Variants in GPHN observed in about 807,000 individuals in gnomAD.
GPHN encodes the protein gephyrin.
In GPHN, 17 loss-of-function variants were observed where a neutral mutation model predicts 95.5. That is an observed-to-expected ratio of 0.18 (90% CI 0.12 to 0.27). The LOEUF (loss-of-function observed/expected upper bound fraction) is 0.27, where lower values mean the gene tolerates loss of function less well. Ranked by LOEUF, GPHN falls within the 10% of genes least tolerant of loss-of-function variation. The probability of loss-of-function intolerance (pLI) is 1.00; values close to 1 mark genes in which losing one functional copy is unlikely to be tolerated. For synonymous variants in GPHN, 320 were observed against 322.5 expected (o/e 0.99, Z 0.08); for missense variants, 660 against 978.1 (o/e 0.67, Z 4.34).
At chr14:67,519,644 C>T in the GPHN span, among the ~76,000 whole-genome samples, 7 of 151,530 alleles carry the variant, frequency 4.6e-5, no homozygotes, top group African/African-American at 7.3e-5. Flanking sequence ...CCCCAAACAG[C>T]GAAAGTCCAG....
At chr14:66,606,184 G>A (rs754184813) in intron 1 of GPHN, among the ~76,000 whole-genome samples, 13 of 152,102 alleles carry the variant, frequency 8.5e-5, no homozygotes, top group Non-Finnish European at 1.3e-4. Context: ...GTGAAAGGTA[G>A]AGACTAGCTT....
the GPHN span, among the ~76,000 whole-genome samples, chr14:67,433,460 A>G: frequency 6.6e-6 from 1 of 152,186 alleles, no homozygotes; most frequent in South Asian, 2.1e-4. Context: ...TTGGAGGTAT[A>G]GAGGAAAACG....
chr14:66,513,469 G>A (rs1410271202), intron 1 of GPHN, among the ~76,000 whole-genome samples: 1 of 151,620 alleles, frequency 6.6e-6, no homozygotes, highest in Non-Finnish European at 1.5e-5. Context: ...TGAACAGGGT[G>A]TTTTTAAAAA....
intron 5 of GPHN, among the ~76,000 whole-genome samples, chr14:66,890,803 GA>G (rs60166095): frequency 1.3e-4 from 20 of 150,050 alleles, no homozygotes; most frequent in Non-Finnish European, 2.2e-4. Context: ...AGAATGGAGG[GA>G]AAAAAAAACC....
chr14:67,353,227 T>C, the GPHN span, among the ~76,000 whole-genome samples: 1 of 152,250 alleles, frequency 6.6e-6, no homozygotes. Flanking sequence ...CTTCATGTGT[T>C]GGAAACAATC....
At chr14:67,052,525 A>C (rs1469284076) in intron 10 of GPHN, among the ~76,000 whole-genome samples, 1 of 152,006 alleles carries the variant, frequency 6.6e-6, no homozygotes, top group Non-Finnish European at 1.5e-5. Context: ...CTGCACTGTC[A>C]ATATTAGATC....
At chr14:66,856,779 C>T (rs1241043461) in intron 4 of GPHN, among the ~76,000 whole-genome samples, 1 of 152,014 alleles carries the variant, frequency 6.6e-6, no homozygotes. Flanking sequence ...CTAAGCGAAA[C>T]TGATTTTAAG....
At chr14:66,832,267 A>G (rs1269469102) in intron 4 of GPHN, among the ~76,000 whole-genome samples, 1 of 152,236 alleles carries the variant, frequency 6.6e-6, no homozygotes, top group Non-Finnish European at 1.5e-5. Flanking sequence ...TTCAAGTAGT[A>G]AATGGCAATA....
rs185737778 is a variant in GPHN at position 66,589,620 on chromosome 14, A to G, written c.64+81029A>G. ...ACATAATGGTAAAGGGATCAATGCA[A>G]CAAGAGCTAACTATCCTAAATACAT... On this transcript the variant is annotated intron_variant, in intron 1 of 22. Transcript: ENST00000478722. Among the ~76,000 whole-genome samples the G allele has an allele frequency of 7.7e-4, 117 of 152,292 alleles. 1 individual carries two copies. The highest frequency in any genetic ancestry group is 1.2e-3 in the Non-Finnish European group (84 of 68,004).
the GPHN span, among the ~76,000 whole-genome samples, chr14:67,477,446 T>C: frequency 6.6e-6 from 1 of 152,178 alleles, no homozygotes; most frequent in South Asian, 2.1e-4. Context: ...AAGGCTTCTC[T>C]TCCTCTTCTG....
At chr14:67,442,645 T>C in the GPHN span, among the ~76,000 whole-genome samples, 1 of 152,166 alleles carries the variant, frequency 6.6e-6, no homozygotes, top group Non-Finnish European at 1.5e-5. Context: ...TCAGTGAGCA[T>C]ACATGACGTG....
chr14:67,002,042 C>A (rs1359979190), intron 9 of GPHN, among the ~76,000 whole-genome samples: 1 of 151,660 alleles, frequency 6.6e-6, no homozygotes. Flanking sequence ...TCCTTCCCAA[C>A]CAGTGTTCTT....
At chr14:67,335,424 A>ATAAC in the GPHN span, 1 of 152,342 alleles carries the variant, frequency 6.6e-6, no homozygotes, top group African/African-American at 2.4e-5. Flanking sequence ...AATGATATCA[A>ATAAC]TAACTAATGC....
the GPHN span, among the ~76,000 whole-genome samples, chr14:67,487,796 TA>T: frequency 1.1e-3 from 167 of 148,686 alleles, 1 homozygote; most frequent in East Asian, 0.018. Flanking sequence ...CCATGTACTT[TA>T]AAAAAAAAAA....
chr14:67,728,262 T>G, the GPHN span: 1 of 152,180 alleles, frequency 6.6e-6, no homozygotes, highest in Non-Finnish European at 1.5e-5. Context: ...AAACAATAAC[T>G]ATTACAATAA....
Position 67,144,236 on chromosome 14 carries a change from TAAAA to T in GPHN, c.1836+799_1836+802del, listed in dbSNP as rs1216565518. ...TGGGCAACACAGCAAGACCCTGTCT[TAAAA>T]AAAAAAAAAAATATATATATATATA... On this transcript the variant is annotated intron_variant, in intron 18 of 22. Transcript: ENST00000478722. Among the ~76,000 whole-genome samples the T allele has an allele frequency of 4.8e-3, 260 of 54,070 alleles. 26 individuals carry two copies. The highest frequency in any genetic ancestry group is 0.028 in the African/African-American group (215 of 7,548). The allele number at this position is 54,070 out of a possible 152,430, so 35.5% of individuals were successfully genotyped here.
chr14:67,674,104 G>A, the GPHN span, among the ~76,000 whole-genome samples: 1 of 152,220 alleles, frequency 6.6e-6, no homozygotes, highest in Non-Finnish European at 1.5e-5. Flanking sequence ...GACCGCAGAT[G>A]CAAAAGCCCC....
rs145588258 is a variant in GPHN, at chr14:66,615,070, G to A, written c.65-66037G>A. Among the ~76,000 whole-genome samples the A allele has an allele frequency of 5.0e-3, 756 of 152,196 alleles. 3 individuals carry two copies. The highest frequency in any genetic ancestry group is 0.013 in the South Asian group (62 of 4,822). ...TCATTCTTTTTTATGGCTGCATAGT[G>A]TTCCATGGTGTATACGTATCACATT... On this transcript the variant is annotated intron_variant, in intron 1 of 22. Transcript: ENST00000478722.
chr14:67,680,910 G>C, the GPHN span, among the ~76,000 whole-genome samples: 1 of 152,154 alleles, frequency 6.6e-6, no homozygotes, highest in Non-Finnish European at 1.5e-5. Flanking sequence ...TGTGATACTG[G>C]CATAAGGACA....
Sources: gnomAD v4.1 joint callset for allele counts (sites outside exome capture counted in the v4.1 genomes callset) on GRCh38, gnomAD v4.1.1 for gene constraint, MANE v1.5 for transcripts, NCBI Gene and HGNC (gene_info 2026-07-23, HGNC 2026-07-21) for gene names.